The following NOS1 variants were observed in gnomAD, a reference collection of about 807,000 sequenced individuals.
NOS1 encodes the protein NOS type I.
A neutral mutation model predicts 164.5 loss-of-function variants in NOS1; 51 were observed. That is an observed-to-expected ratio of 0.31 (90% CI 0.25 to 0.39). The LOEUF is 0.39. Among genes scored for constraint, NOS1 ranks in the 10% least tolerant of loss-of-function variants. The pLI, the probability that NOS1 is intolerant of heterozygous loss-of-function variation, is 1.00. For missense variants in NOS1, 1,362 were observed against 1,885.6 expected, an observed-to-expected ratio of 0.72 and a Z score of 5.14; for synonymous variants, 719 against 745.8, an observed-to-expected ratio of 0.96 and a Z score of 0.59.
rs1956520212 is a variant in NOS1, at chr12:117,211,079, C to T, written c.*4230G>A. On this transcript the variant is annotated 3_prime_UTR_variant, in exon 29 of 29. Transcript: ENST00000317775. ...TCAAGCGATCCTCCTTCCTCAGCCT[C>T]CCAGGTAGCTGAGACTACAGGCGCA... 2 of 600,452 alleles carry T rather than the reference C, an allele frequency of 3.3e-6. No individual in the cohort carries two copies. The highest frequency in any genetic ancestry group is 1.5e-4 in the South Asian group (2 of 13,544). 37.2% of individuals were successfully genotyped at this position (600,452 alleles called of 1,614,324 possible).
In NOS1 at chr12:117,243,642, C is replaced by G. The variant is rs886321840; in HGVS notation, c.2824-207G>C. Among the ~76,000 whole-genome samples, 1 of 151,374 alleles carries G rather than the reference C, an allele frequency of 6.6e-6. No individual in the cohort carries two copies. Among genetic ancestry groups the G allele is most frequent in the South Asian group, 2.1e-4 (1 of 4,766 alleles). ...CCTTCCCTTCCTTTCTTCCCTCTAC[C>G]CTTTCGTTGTCTTCCTTCCATCCAT... is the stretch of plus-strand genomic sequence containing the variant. On this transcript the variant is annotated intron_variant, in intron 18 of 28. Transcript: ENST00000317775. The surrounding 1 kb of genome is among the most constrained non-coding windows in gnomAD (Gnocchi z 4.3).
chr12:117,232,956 C>T (rs1869376994), intron 21 of NOS1, among the ~76,000 whole-genome samples: 1 of 151,646 alleles, frequency 6.6e-6, no homozygotes, highest in Non-Finnish European at 1.5e-5. Context: ...TAGCCTTGAA[C>T]TCCCGGGCTC....
At chr12:117,263,851 G>A in intron 13 of NOS1, 38 bp downstream of exon 13, 2 of 1,503,458 alleles carry the variant, frequency 1.3e-6, no homozygotes, top group Non-Finnish European at 1.9e-6. Context: ...TGAGTTTGTG[G>A]GGACATCCAC....
Position 117,280,827 on chromosome 12 carries a change from C to G in NOS1, c.1422G>C (p.Lys474Asn). Residue 474 changes from lysine to asparagine, a missense_variant, in exon 8 of 29, where the codon AAG (lysine) becomes AAC (asparagine). Around this residue, in one of 4 missense-constraint regions of NOS1, gnomAD observed 134 missense variants for 267.3 expected, o/e 0.50. Transcript: ENST00000317775. ...ITIFPQRTDG[K>N]HDFRVWNSQL... The stretch of plus-strand genomic sequence containing the variant: ...GGGAGTTCCAGACTCGGAAGTCGTG[C>G]TTGCCGTCTGTCCTCTGGGGGAATA... 1 of 1,614,166 alleles carries G rather than the reference C, an allele frequency of 6.2e-7. No homozygotes were observed. Among genetic ancestry groups the G allele is most frequent in the South Asian group, 1.1e-5 (1 of 91,086 alleles).
intron 1 of NOS1, among the ~76,000 whole-genome samples, chr12:117,335,307 C>T (rs1001031415): frequency 2.6e-5 from 4 of 152,138 alleles, no homozygotes; most frequent in Non-Finnish European, 5.9e-5. Context: ...TAGGGAGAGA[C>T]GGCTGCTGGA....
rs553305926 is a variant in NOS1 at position 117,359,225 on chromosome 12, G to A, written c.-421+2287C>T. On this transcript the variant is annotated intron_variant, in intron 1 of 28. Transcript: ENST00000317775. ...CCCGCCGTGGCGGTGCTGGTGGGGCGGACACCCCCTCCTTCAGGGACCTGC... is the reference window on the plus strand; with the variant it reads ...CCCGCCGTGGCGGTGCTGGTGGGGCAGACACCCCCTCCTTCAGGGACCTGC... Among the ~76,000 whole-genome samples, 20 of 152,190 alleles carry A rather than the reference G, an allele frequency of 1.3e-4. No individual in the cohort carries two copies. The South Asian group carries it at 4.0e-3, about 30-fold the overall frequency.
rs553732722 is a variant in NOS1 at position 117,358,014 on chromosome 12, G to A, written c.-421+3498C>T. Reference sequence around the variant, plus strand: ...AAAAAGCCCCAGTTCTCACGAGCACGGATTGTTGCCTGTGGCTCTTAACCA... The same window carrying A: ...AAAAAGCCCCAGTTCTCACGAGCACAGATTGTTGCCTGTGGCTCTTAACCA... On this transcript the variant is annotated intron_variant, in intron 1 of 28. Coordinates refer to ENST00000317775, the MANE Select transcript of NOS1 (RefSeq NM_000620.5). 3.9e-5 allele frequency among the ~76,000 whole-genome samples: 6 copies of A among 152,154 alleles called. No individual in the cohort carries two copies. In the South Asian group the frequency reaches 8.3e-4, roughly 21 times the overall value.
intron 18 of NOS1, among the ~76,000 whole-genome samples, chr12:117,246,456 T>C (rs1030758233): frequency 6.6e-5 from 10 of 152,150 alleles, no homozygotes; most frequent in African/African-American, 1.2e-4. Context: ...TTGTACTGTA[T>C]AGATAGGTAT....
chr12:117,227,770 T>A, intron 22 of NOS1, 129 bp from the exon 23 acceptor site: 1 of 830,298 alleles, frequency 1.2e-6, no homozygotes. Flanking sequence ...CTCATGCTTG[T>A]AATTGCAGTG....
At chr12:117,238,553 A>G (rs1012962703) in intron 20 of NOS1, among the ~76,000 whole-genome samples, 1 of 151,622 alleles carries the variant, frequency 6.6e-6, no homozygotes, top group South Asian at 2.1e-4. Flanking sequence ...GTCTCACTCT[A>G]TTGCCCAGGC....
intron 16 of NOS1, chr12:117,256,025 G>A (rs1871414789): frequency 2.1e-6 from 3 of 1,445,850 alleles, no homozygotes; most frequent in Non-Finnish European, 2.7e-6. Flanking sequence ...AGAAACGCAA[G>A]GGTTCCGGGT....
At chr12:117,285,481 C>T (rs1874039509) in intron 6 of NOS1, 149 bp from the exon 7 acceptor site, 2 of 372,892 alleles carry the variant, frequency 5.4e-6, no homozygotes, top group Non-Finnish European at 9.6e-6. Context: ...TCCCAGGCTG[C>T]ATTTTATATT....
At chr12:117,307,150 G>A (rs935677774) in intron 3 of NOS1, among the ~76,000 whole-genome samples, 15 of 152,118 alleles carry the variant, frequency 9.9e-5, no homozygotes, top group Non-Finnish European at 1.9e-4. Context: ...TCTTTCTTGC[G>A]GAGTCAAGGC....
intron 21 of NOS1, among the ~76,000 whole-genome samples, chr12:117,232,917 G>A (rs1165122930): frequency 1.3e-5 from 2 of 151,126 alleles, no homozygotes; most frequent in African/African-American, 2.4e-5. Flanking sequence ...TTGCCCAGGC[G>A]AGTGCAGTGG....
intron 1 of NOS1, among the ~76,000 whole-genome samples, chr12:117,352,176 A>AATACATAC (rs71444621): frequency 0.044 from 6,563 of 149,188 alleles, 216 homozygotes; most frequent in East Asian, 0.17. Context: ...CTGTCTCAGA[A>AATACATAC]ATACATACAT....
At position 117,210,958 on chromosome 12, in the gene NOS1, T is replaced by A; in HGVS notation, c.*4351A>T. 1.0e-6 allele frequency: 1 copy of A among 962,072 alleles called. No individual in the cohort carries two copies. The allele number at this position is 962,072 out of a possible 1,614,324, so 59.6% of individuals were successfully genotyped here. A position where few individuals can be genotyped will look rare whatever the true frequency, so the allele number is the denominator to read the frequency against. ...GCAAGATGTTTTATTTTATTTTATT[T>A]TATTTTATTTTTTTTGAGATAAGAG... On this transcript the variant is annotated 3_prime_UTR_variant, in exon 29 of 29. Transcript: ENST00000317775.
intron 26 of NOS1, among the ~76,000 whole-genome samples, chr12:117,221,945 T>C (rs1956713643): frequency 6.7e-6 from 1 of 150,214 alleles, no homozygotes; most frequent in Non-Finnish European, 1.5e-5. Context: ...CAGGCGTGAG[T>C]CACGGTGCCT....
intron 3 of NOS1, among the ~76,000 whole-genome samples, chr12:117,308,348 A>C (rs937355444): frequency 6.6e-6 from 1 of 152,148 alleles, no homozygotes; most frequent in African/African-American, 2.4e-5. Context: ...TTCTACAAAA[A>C]AATATAAAAA....
intron 11 of NOS1, among the ~76,000 whole-genome samples, chr12:117,267,347 G>A (rs1287461320): frequency 1.3e-5 from 2 of 152,222 alleles, no homozygotes; most frequent in Non-Finnish European, 2.9e-5. Flanking sequence ...AGCACTTTGG[G>A]AGGCCGAGGC....
Sources: allele counts gnomAD v4.1 joint callset (sites outside exome capture counted in the v4.1 genomes callset), GRCh38; gene constraint gnomAD v4.1.1; regional missense constraint gnomAD v4.1.1; non-coding constraint Gnocchi (gnomAD v3.1); transcripts MANE v1.5; gene names NCBI Gene and HGNC (gene_info 2026-07-23, HGNC 2026-07-21).